Variants in SUPT3H observed in about 807,000 individuals in gnomAD.
SUPT3H encodes SPT3 homolog, SAGA and STAGA complex component.
In SUPT3H, 44 loss-of-function variants were observed where a neutral mutation model predicts 44.3. That is an observed-to-expected ratio of 0.99 (90% CI 0.78 to 1.28). The LOEUF is 1.28. Ranked by LOEUF, SUPT3H falls within the 50% of genes most tolerant of loss-of-function variation. SUPT3H has a pLI of 0.00. For synonymous variants in SUPT3H, 124 were observed against 125.6 expected, an observed-to-expected ratio of 0.99 and a Z score of 0.09; for missense variants, 380 against 387.1, an observed-to-expected ratio of 0.98 and a Z score of 0.15.
chr6:45,242,696 C>T (rs1472916700), intron 2 of SUPT3H, among the ~76,000 whole-genome samples: 1 of 151,952 alleles, frequency 6.6e-6, no homozygotes, highest in Non-Finnish European at 1.5e-5. Context: ...AATTAAATTG[C>T]CTGGAAAAAC....
At chr6:45,164,592 C>T (rs375574491) in intron 2 of SUPT3H, among the ~76,000 whole-genome samples, 6 of 151,980 alleles carry the variant, frequency 3.9e-5, no homozygotes, top group Non-Finnish European at 7.4e-5. Context: ...TGGGTTTTTC[C>T]GCCTTTGTTT....
intron 3 of SUPT3H, among the ~76,000 whole-genome samples, chr6:45,027,164 AT>A (rs1402395025): frequency 6.6e-6 from 1 of 151,290 alleles, no homozygotes; most frequent in African/African-American, 2.4e-5. Context: ...TAATTTCTGT[AT>A]TTTTTTGCAG....
chr6:44,961,960 G>A (rs1776094512), intron 6 of SUPT3H, 132 bp from the exon 7 acceptor site: 1 of 561,362 alleles, frequency 1.8e-6, no homozygotes, highest in East Asian at 3.0e-5. Context: ...CTACCACATA[G>A]ATCACGATAC....
chr6:45,358,898 A>G (rs1322282595), intron 2 of SUPT3H, among the ~76,000 whole-genome samples: 2 of 152,150 alleles, frequency 1.3e-5, no homozygotes, highest in East Asian at 1.9e-4. Context: ...TTCAGAACAG[A>G]GACTGCCACT....
chr6:45,310,927 G>C (rs1209178124), intron 2 of SUPT3H, among the ~76,000 whole-genome samples: 3 of 152,084 alleles, frequency 2.0e-5, no homozygotes, highest in Admixed American at 2.0e-4. Flanking sequence ...AAACCAAGAA[G>C]AAATCCCTCA....
At chr6:44,990,802 T>A (rs965223319) in intron 6 of SUPT3H, among the ~76,000 whole-genome samples, 1 of 152,188 alleles carries the variant, frequency 6.6e-6, no homozygotes, top group Non-Finnish European at 1.5e-5. Context: ...TATTTGTGTA[T>A]GTATTAAATT....
chr6:44,926,704 T>C (rs938263115), intron 10 of SUPT3H, among the ~76,000 whole-genome samples: 5 of 152,150 alleles, frequency 3.3e-5, no homozygotes, highest in African/African-American at 1.2e-4. Context: ...TCTGTTAGTT[T>C]TCTCATCTAT....
intron 2 of SUPT3H, among the ~76,000 whole-genome samples, chr6:45,292,229 A>G (rs1029340796): frequency 1.3e-5 from 2 of 152,274 alleles, no homozygotes; most frequent in East Asian, 1.9e-4. Flanking sequence ...TTTTCAGACA[A>G]ACAAATGCCG....
chr6:45,334,985 A>T (rs1788264835), intron 2 of SUPT3H, among the ~76,000 whole-genome samples: 2 of 151,356 alleles, frequency 1.3e-5, no homozygotes, highest in Admixed American at 1.3e-4. Flanking sequence ...GATATCAGTT[A>T]AACAAAGTAT....
intron 9 of SUPT3H, among the ~76,000 whole-genome samples, chr6:44,947,372 A>T (rs1381628586): frequency 6.6e-6 from 1 of 151,704 alleles, no homozygotes; most frequent in Non-Finnish European, 1.5e-5. Context: ...TGGCTAAATC[A>T]ATCACATAAA....
At chr6:45,063,698 A>C (rs1792649848) in intron 3 of SUPT3H, among the ~76,000 whole-genome samples, 1 of 55,432 alleles carries the variant, frequency 1.8e-5, no homozygotes, top group Non-Finnish European at 3.4e-5. Context: ...CAACTGGAAG[A>C]AAGGGTATCA....
At chr6:45,349,665 G>T (rs1341704315) in intron 2 of SUPT3H, among the ~76,000 whole-genome samples, 1 of 152,086 alleles carries the variant, frequency 6.6e-6, no homozygotes, top group East Asian at 1.9e-4. Flanking sequence ...TGTTTCACTG[G>T]TTTTCATCAA....
chr6:45,168,281 A>T (rs1370569144), intron 2 of SUPT3H, among the ~76,000 whole-genome samples: 3 of 152,178 alleles, frequency 2.0e-5, no homozygotes, highest in Non-Finnish European at 4.4e-5. Context: ...AATATCTGTT[A>T]TCCAAAATGC....
Position 45,107,875 on chromosome 6 carries a change from TTA to T in SUPT3H, c.102-1871_102-1870del, listed in dbSNP as rs1171803105. On this transcript the variant is annotated intron_variant, in intron 2 of 10. Transcript: ENST00000371459. The stretch of plus-strand genomic sequence containing the variant: ...ATAAGTATCTATTAACTATAGTAAT[TTA>T]TGTTTTTTTAAAAGAGAAATGAGAA... Among the ~76,000 whole-genome samples, 3 of 152,210 alleles carry T rather than the reference TTA, an allele frequency of 2.0e-5. No homozygotes were observed. In the East Asian group the frequency reaches 5.8e-4, roughly 29 times the overall value.
intron 3 of SUPT3H, among the ~76,000 whole-genome samples, chr6:45,062,542 T>C (rs920488131): frequency 6.6e-6 from 1 of 152,186 alleles, no homozygotes; most frequent in Admixed American, 6.5e-5. Flanking sequence ...CATTTCCATC[T>C]GAGGTACCGG....
chr6:45,248,913 C>CA (rs61451412), intron 2 of SUPT3H, among the ~76,000 whole-genome samples: 31,565 of 115,056 alleles, frequency 0.27, 4,112 homozygotes, highest in Non-Finnish European at 0.35. Flanking sequence ...GACTCCATCT[C>CA]AAAAAAAAAA....
At chr6:45,044,286 C>T (rs1789038121) in intron 3 of SUPT3H, among the ~76,000 whole-genome samples, 1 of 152,140 alleles carries the variant, frequency 6.6e-6, no homozygotes, top group Non-Finnish European at 1.5e-5. Context: ...GCCTTTGAAT[C>T]CTTTATCAGG....
chr6:45,211,587 G>A (rs1005013444), intron 2 of SUPT3H, among the ~76,000 whole-genome samples: 17 of 152,050 alleles, frequency 1.1e-4, no homozygotes, highest in African/African-American at 3.9e-4. Context: ...GTGGTGGCTC[G>A]CACCTGTAAT....
intron 6 of SUPT3H, among the ~76,000 whole-genome samples, chr6:44,981,137 C>A (rs1014021500): frequency 6.6e-6 from 1 of 152,186 alleles, no homozygotes; most frequent in African/African-American, 2.4e-5. Context: ...CCAGCTATAG[C>A]TGCTATCCAT....
Sources: allele counts gnomAD v4.1 joint callset (sites outside exome capture counted in the v4.1 genomes callset), GRCh38; gene constraint gnomAD v4.1.1; transcripts MANE v1.5; gene names NCBI Gene and HGNC (gene_info 2026-07-23, HGNC 2026-07-21).